Variants in COL25A1 observed in about 807,000 individuals in gnomAD.
COL25A1 encodes collagen type XXV alpha 1 chain.
COL25A1 carries 103 observed loss-of-function variants against 128.4 expected under a neutral mutation model. The ratio of observed to expected loss-of-function variants is 0.80; its 90% CI spans 0.68 to 0.94. The LOEUF is 0.94. Ranked by LOEUF, COL25A1 falls within the 40% of genes least tolerant of loss-of-function variation. The pLI, the probability that COL25A1 is intolerant of heterozygous loss-of-function variation, is 0.00. For missense variants in COL25A1, 745 were observed against 840.0 expected, an observed-to-expected ratio of 0.89 and a Z score of 1.40; for synonymous variants, 279 against 277.2, an observed-to-expected ratio of 1.01 and a Z score of -0.06.
intron 30 of COL25A1, among the ~76,000 whole-genome samples, chr4:108,842,740 C>T (rs926762084): frequency 6.6e-6 from 1 of 152,052 alleles, no homozygotes; most frequent in Non-Finnish European, 1.5e-5. Context: ...ATGATATGAA[C>T]AGGCTGTAGC....
At chr4:109,091,175 A>G (rs947101566) in intron 3 of COL25A1, among the ~76,000 whole-genome samples, 1 of 152,150 alleles carries the variant, frequency 6.6e-6, no homozygotes, top group African/African-American at 2.4e-5. Flanking sequence ...TCTGACTACA[A>G]CCTTCATTTC....
chr4:108,989,180 A>G (rs2126009773), intron 6 of COL25A1, among the ~76,000 whole-genome samples: 1 of 152,352 alleles, frequency 6.6e-6, no homozygotes, highest in African/African-American at 2.4e-5. Flanking sequence ...GGAGGCTTCC[A>G]TCCAGATGAA....
chr4:109,002,160 A>G (rs1755497496), intron 6 of COL25A1, among the ~76,000 whole-genome samples: 1 of 152,244 alleles, frequency 6.6e-6, no homozygotes, highest in Non-Finnish European at 1.5e-5. Context: ...AGGTTTCTCA[A>G]AAAATTAAAA....
intron 3 of COL25A1, among the ~76,000 whole-genome samples, chr4:109,089,080 G>C (rs1764678631): frequency 6.6e-6 from 1 of 152,190 alleles, no homozygotes; most frequent in African/African-American, 2.4e-5. Context: ...GAAGAGGAGG[G>C]CTGGACAAGC....
In COL25A1 at chr4:109,018,971, T is replaced by A. The variant is rs144241429; in HGVS notation, c.421-8596A>T. The stretch of plus-strand genomic sequence containing the variant: ...ACTGCTATAAAGACATACCCAAGTG[T>A]GATGGTTAATAGGGAGTGTCAACTT... On this transcript the variant is annotated intron_variant, in intron 5 of 37. Transcript: ENST00000399132. Among the ~76,000 whole-genome samples the A allele has an allele frequency of 1.9e-3, 290 of 152,228 alleles. 2 individuals are homozygous for A. The highest frequency in any genetic ancestry group is 6.7e-3 in the African/African-American group (280 of 41,546).
chr4:109,244,278 T>C (rs10488877), intron 3 of COL25A1, among the ~76,000 whole-genome samples: 9,522 of 152,124 alleles, frequency 0.063, 476 homozygotes, highest in East Asian at 0.23. Context: ...GAATTATCTT[T>C]TTCCACTTTC....
At chr4:108,884,337 A>G in intron 18 of COL25A1, 115 bp from the exon 19 acceptor site, 7 of 959,886 alleles carry the variant, frequency 7.3e-6, no homozygotes, top group Non-Finnish European at 1.1e-5. Flanking sequence ...AAATAAAAAA[A>G]CCGTCTACTT....
intron 3 of COL25A1, among the ~76,000 whole-genome samples, chr4:109,181,743 GGTATGTAATACATT>G (rs2126146032): frequency 6.6e-6 from 1 of 152,004 alleles, no homozygotes; most frequent in Admixed American, 6.6e-5. Context: ...GCAATTTTCA[GGTATGTAATACATT>G]GTTATTAACT....
In COL25A1 at chr4:108,951,628, T is replaced by C. The variant is rs1266844301; in HGVS notation, c.493-10191A>G. 2.6e-5 allele frequency among the ~76,000 whole-genome samples: 4 copies of C among 152,156 alleles called. No homozygotes were observed. In the East Asian group the frequency reaches 7.7e-4, roughly 29 times the overall value. ...CTCAAACTCCTGATCTCAGGTGATC[T>C]ACACACCTTGGCCTCCTAAAGCGTT... On this transcript the variant is annotated intron_variant, in intron 8 of 37. Coordinates refer to ENST00000399132, the MANE Select transcript of COL25A1 (RefSeq NM_198721.4).
intron 24 of COL25A1, among the ~76,000 whole-genome samples, chr4:108,854,923 C>T (rs753366275): frequency 3.3e-5 from 5 of 151,932 alleles, no homozygotes; most frequent in African/African-American, 4.8e-5. Context: ...CAAAATATAC[C>T]GTGTCTAAGT....
chr4:108,863,886 A>C (rs1330332095), intron 20 of COL25A1, among the ~76,000 whole-genome samples: 1 of 152,138 alleles, frequency 6.6e-6, no homozygotes, highest in African/African-American at 2.4e-5. Flanking sequence ...TTATGCCTTC[A>C]GCCTCAGACT....
chr4:108,993,379 C>G (rs1754417796), intron 6 of COL25A1, among the ~76,000 whole-genome samples: 1 of 152,164 alleles, frequency 6.6e-6, no homozygotes, highest in Non-Finnish European at 1.5e-5. Context: ...CTTTTTAAGG[C>G]TGAATAGTAT....
intron 24 of COL25A1, 32 bp downstream of exon 24, chr4:108,859,624 A>AGTG (rs1456482513): frequency 6.3e-7 from 1 of 1,592,708 alleles, no homozygotes. Context: ...CATCCTTCTC[A>AGTG]GTGTGTGTCA....
At chr4:109,139,837 C>A (rs1224574455) in intron 3 of COL25A1, among the ~76,000 whole-genome samples, 1 of 151,276 alleles carries the variant, frequency 6.6e-6, no homozygotes, top group Admixed American at 6.6e-5. Flanking sequence ...CCCGACCCCA[C>A]AACAGGCCCC....
intron 13 of COL25A1, among the ~76,000 whole-genome samples, chr4:108,915,065 G>GATGT (rs1368778907): frequency 6.6e-6 from 1 of 152,132 alleles, no homozygotes; most frequent in Non-Finnish European, 1.5e-5. Flanking sequence ...TTCACAAAGG[G>GATGT]ATGTTCTGTA....
intron 6 of COL25A1, among the ~76,000 whole-genome samples, chr4:108,995,110 G>A (rs1754629086): frequency 6.6e-6 from 1 of 152,234 alleles, no homozygotes; most frequent in South Asian, 2.1e-4. Flanking sequence ...ACTGGATGGA[G>A]AATGAGTTTG....
At chr4:108,934,464 C>T (rs1429059189) in intron 11 of COL25A1, among the ~76,000 whole-genome samples, 1 of 151,756 alleles carries the variant, frequency 6.6e-6, no homozygotes, top group Non-Finnish European at 1.5e-5. Context: ...TGCACATGTA[C>T]CCTAGAATTT....
At chr4:109,273,750 C>T (rs1358797622) in intron 3 of COL25A1, among the ~76,000 whole-genome samples, 1 of 152,124 alleles carries the variant, frequency 6.6e-6, no homozygotes, top group Non-Finnish European at 1.5e-5. Context: ...GACACTAACA[C>T]CTCCACCTTG....
At chr4:108,819,425 G>A in intron 35 of COL25A1, 96 bp from the exon 36 acceptor site, 1 of 948,080 alleles carries the variant, frequency 1.1e-6, no homozygotes, top group Non-Finnish European at 1.6e-6. Flanking sequence ...AAGGCTGGGA[G>A]AGGAGCAACT....
Sources: allele counts gnomAD v4.1 joint callset (sites outside exome capture counted in the v4.1 genomes callset), GRCh38; gene constraint gnomAD v4.1.1; transcripts MANE v1.5; gene names NCBI Gene and HGNC (gene_info 2026-07-23, HGNC 2026-07-21).